Variants in RNF170 observed in about 807,000 individuals in gnomAD.
RNF170 encodes the protein ring finger protein 170.
In RNF170, 12 loss-of-function variants were observed where a neutral mutation model predicts 32.7. That is an observed-to-expected ratio of 0.37 (90% CI 0.24 to 0.60). The LOEUF (loss-of-function observed/expected upper bound fraction) is 0.60. RNF170 is among the 20% of genes least tolerant of loss of function. The pLI is 0.72. For missense variants in RNF170, 212 were observed against 311.2 expected, an observed-to-expected ratio of 0.68 and a Z score of 2.40; for synonymous variants, 91 against 103.6, an observed-to-expected ratio of 0.88 and a Z score of 0.74.
At chr8:42,874,672 G>C (rs986714369) in intron 2 of RNF170, among the ~76,000 whole-genome samples, 2 of 151,980 alleles carry the variant, frequency 1.3e-5, no homozygotes, top group Admixed American at 6.6e-5. Context: ...AACCCGGGAA[G>C]CAGAGGTTGT....
At chr8:42,873,701 GCTAT>G (rs1185008799) in intron 3 of RNF170, among the ~76,000 whole-genome samples, 1 of 152,130 alleles carries the variant, frequency 6.6e-6, no homozygotes, top group East Asian at 1.9e-4. Flanking sequence ...TAGGAAAACT[GCTAT>G]CTTTTAAAGC....
chr8:42,875,458 A>G (rs961250393), intron 2 of RNF170, among the ~76,000 whole-genome samples: 2 of 152,242 alleles, frequency 1.3e-5, no homozygotes, highest in African/African-American at 2.4e-5. Flanking sequence ...TAGCAAAAAA[A>G]CACAAATTTT....
chr8:42,854,001 C>G lies in RNF170; in HGVS notation c.*2158G>C. On this transcript the variant is annotated 3_prime_UTR_variant, in exon 7 of 7. Transcript: ENST00000527424. ...TCAAAAAATGACATCACCATTCCCC[C>G]ACACCAAATGTGTAATTGGTAGGAA... 7.8e-7 allele frequency: 1 copy of G among 1,287,182 alleles called. No homozygotes were observed. The highest frequency in any genetic ancestry group is 1.0e-6 in the Non-Finnish European group (1 of 988,666). The allele number at this position is 1,287,182 out of a possible 1,614,324, so 79.7% of individuals were successfully genotyped here.
At chr8:42,890,937 T>C (rs1806251131) in intron 1 of RNF170, among the ~76,000 whole-genome samples, 1 of 152,188 alleles carries the variant, frequency 6.6e-6, no homozygotes, top group African/African-American at 2.4e-5. Context: ...GCTGGTCTGA[T>C]TTATAACTCC....
upstream of RNF170, chr8:42,896,985 C>T (rs1806988163): frequency 4.1e-6 from 2 of 488,404 alleles, no homozygotes; most frequent in Non-Finnish European, 6.5e-6. Context: ...TGCGGAGCCG[C>T]TGCCAGCGCT....
rs1464867384 is a variant in RNF170 at position 42,888,503 on chromosome 8, C to T, written c.-7-632G>A. Among the ~76,000 whole-genome samples, 3 of 151,378 alleles carry T rather than the reference C, an allele frequency of 2.0e-5. No individual in the cohort carries two copies. The East Asian group carries it at 5.8e-4, about 29-fold the overall frequency. On this transcript the variant is annotated intron_variant, in intron 1 of 6. Coordinates refer to ENST00000527424, the MANE Select transcript of RNF170 (RefSeq NM_030954.4). Reference sequence around the variant, plus strand: ...TTGGGCCAGATGCAGTGGCTCACGCCTGTAATCCCAGCATTATGGGAGGCT... The same window carrying T: ...TTGGGCCAGATGCAGTGGCTCACGCTTGTAATCCCAGCATTATGGGAGGCT...
intron 2 of RNF170, among the ~76,000 whole-genome samples, chr8:42,884,982 G>A (rs1301931990): frequency 1.3e-5 from 2 of 151,042 alleles, no homozygotes; most frequent in Admixed American, 6.6e-5. Context: ...AATTACAGGC[G>A]CGAGCCACCG....
chr8:42,875,904 A>C (rs1777553800), intron 2 of RNF170, among the ~76,000 whole-genome samples: 1 of 152,164 alleles, frequency 6.6e-6, no homozygotes, highest in Admixed American at 6.6e-5. Flanking sequence ...TGCATTCTTC[A>C]TTTTAAAATA....
At position 42,856,433 on chromosome 8, in the gene RNF170, T is replaced by C. The variant is rs201484239; in HGVS notation, c.508-5A>G. ...ATCCATAATTCTCTCCATAATCTGG[T>C]AGAGGGAAAAACAAGTATTATGATT... On this transcript the variant is annotated splice_polypyrimidine_tract_variant and splice_region_variant and intron_variant, in intron 6 of 6. Coordinates refer to ENST00000527424, the MANE Select transcript of RNF170 (RefSeq NM_030954.4). The C allele has an allele frequency of 1.1e-5, 17 of 1,602,936 alleles. No homozygotes were observed. In the East Asian group the frequency reaches 1.8e-4, roughly 17 times the overall value.
At chr8:42,863,932 A>G (rs1410998026) in intron 5 of RNF170, among the ~76,000 whole-genome samples, 1 of 150,906 alleles carries the variant, frequency 6.6e-6, no homozygotes, top group Non-Finnish European at 1.5e-5. Flanking sequence ...AGGGCAGTTG[A>G]GGGGAAACAG....
chr8:42,896,726 TGGCGGGGGCGCGCCCGGCGGCAGCGGC>T (rs1299388311), upstream of RNF170: 1 of 149,304 alleles, frequency 6.7e-6, no homozygotes, highest in Non-Finnish European at 1.5e-5. Context: ...AGCGAACTGG[TGGCGGGGGCGCGCCCGGCGGCAGCGGC>T]GGCGGCGGCG....
upstream of RNF170, chr8:42,897,110 C>T (rs1807000352): frequency 1.6e-6 from 2 of 1,241,866 alleles, no homozygotes; most frequent in East Asian, 3.2e-5. Flanking sequence ...GCGGTAGGCG[C>T]TGCCTGGCCG....
Position 42,873,921 on chromosome 8 carries a change from T to C in RNF170, c.213+10A>G, listed in dbSNP as rs1198483707. 7 of 1,468,962 alleles carry C rather than the reference T, an allele frequency of 4.8e-6. No homozygotes were observed. Among genetic ancestry groups the C allele is most frequent in the Non-Finnish European group, 6.7e-6 (7 of 1,047,894 alleles). 91.0% of individuals were successfully genotyped at this position (1,468,962 alleles called of 1,614,324 possible). On this transcript the variant is annotated intron_variant, in intron 3 of 6. Transcript: ENST00000527424. ...CACATCTACTCCTCAAATAAATACA[T>C]ATACAATACCTGTTCTGTTTGAAGC...
chr8:42,894,573 T>C (rs990446257), intron 1 of RNF170, among the ~76,000 whole-genome samples: 2 of 152,152 alleles, frequency 1.3e-5, no homozygotes, highest in African/African-American at 4.8e-5. Flanking sequence ...GTGTAATTTT[T>C]TTTTTCTTTT....
chr8:42,851,224 G>A (rs1175686019), downstream of RNF170, among the ~76,000 whole-genome samples: 1 of 152,088 alleles, frequency 6.6e-6, no homozygotes, highest in Admixed American at 6.5e-5. Flanking sequence ...GATTCGACAT[G>A]TCAATGGTAG....
downstream of RNF170, among the ~76,000 whole-genome samples, chr8:42,851,780 G>A (rs891914603): frequency 5.9e-5 from 9 of 151,916 alleles, no homozygotes; most frequent in Admixed American, 5.9e-4. Context: ...TAGGACCACA[G>A]GCATGCACCA....
rs1214401691 is a variant in RNF170 at position 42,854,796 on chromosome 8, A to G, written c.*1363T>C. Reference sequence around the variant, plus strand: ...TCCTGCTGTCATACATTCACTAATGAGCAACGCCAGCTGAAGTGAGTAAGA... The same window carrying G: ...TCCTGCTGTCATACATTCACTAATGGGCAACGCCAGCTGAAGTGAGTAAGA... On this transcript the variant is annotated 3_prime_UTR_variant, in exon 7 of 7. Coordinates refer to ENST00000527424, the MANE Select transcript of RNF170 (RefSeq NM_030954.4). The G allele has an allele frequency of 7.8e-7, 1 of 1,287,376 alleles. No individual in the cohort carries two copies. The allele number at this position is 1,287,376 out of a possible 1,614,324, so 79.7% of individuals were successfully genotyped here.
At chr8:42,891,663 C>G (rs1339913670) in intron 1 of RNF170, among the ~76,000 whole-genome samples, 2 of 152,214 alleles carry the variant, frequency 1.3e-5, no homozygotes, top group African/African-American at 4.8e-5. Flanking sequence ...GCTTTTAAAT[C>G]TGTCCTTTCC....
intron 2 of RNF170, among the ~76,000 whole-genome samples, chr8:42,877,462 G>A (rs1805038428): frequency 2.0e-5 from 3 of 152,160 alleles, no homozygotes. Context: ...TTACAGGTGT[G>A]AGCCACCGCA....
Sources: allele counts gnomAD v4.1 joint callset (sites outside exome capture counted in the v4.1 genomes callset), GRCh38; gene constraint gnomAD v4.1.1; transcripts MANE v1.5; gene names NCBI Gene and HGNC (gene_info 2026-07-23, HGNC 2026-07-21).